The following RPAP3 variants were observed in gnomAD, a reference collection of about 807,000 sequenced individuals.
RPAP3 encodes RNA polymerase II associated protein 3.
RPAP3 carries 58 observed loss-of-function variants against 88.8 expected under a neutral mutation model. The ratio of observed to expected loss-of-function variants is 0.65; its 90% CI spans 0.53 to 0.81. The LOEUF (loss-of-function observed/expected upper bound fraction) is 0.81, where lower values mean the gene tolerates loss of function less well. Ranked by LOEUF, RPAP3 falls within the 40% of genes least tolerant of loss-of-function variation. RPAP3 has a pLI of 0.00. For synonymous variants in RPAP3, 255 were observed against 259.9 expected, an observed-to-expected ratio of 0.98 and a Z score of 0.18; for missense variants, 751 against 764.3, an observed-to-expected ratio of 0.98 and a Z score of 0.20.
At position 47,701,553 on chromosome 12, in the gene RPAP3, C is replaced by A; in HGVS notation, c.205G>T (p.Ala69Ser). 6.3e-7 allele frequency: 1 copy of A among 1,597,294 alleles called. No individual in the cohort carries two copies. The highest frequency in any genetic ancestry group is 8.5e-7 in the Non-Finnish European group (1 of 1,173,370). Residue 69 changes from alanine (A) to serine (S), a missense_variant, in exon 3 of 17, where the codon GCT becomes TCT. Transcript: ENST00000005386. The part of the protein sequence containing the change: ...GNFRKKKKGK[A>S]KESSKKTREE... ...CTGGTTTTTTTGGAAGACTCTTTAG[C>A]TTTGCCTTTCTTCTTTTTCCTAAAA...
chr12:47,703,711 G>A (rs762949637), intron 1 of RPAP3, among the ~76,000 whole-genome samples: 24 of 152,130 alleles, frequency 1.6e-4, no homozygotes, highest in Non-Finnish European at 3.1e-4. Context: ...AATTATGAGG[G>A]AGAATGAAGG....
intron 9 of RPAP3, among the ~76,000 whole-genome samples, chr12:47,682,803 GATTT>G (rs972169933): frequency 6.6e-6 from 1 of 151,944 alleles, no homozygotes; most frequent in African/African-American, 2.4e-5. Context: ...AAACATCTCT[GATTT>G]ATTTAACTCA....
intron 8 of RPAP3, 70 bp from the exon 9 acceptor site, chr12:47,686,977 A>C (rs1306890648): frequency 3.1e-5 from 29 of 936,478 alleles, no homozygotes; most frequent in Non-Finnish European, 4.2e-5. Flanking sequence ...TTCAAATCTT[A>C]TGAAACACTG....
chr12:47,677,727 CT>C (rs1204229973), intron 12 of RPAP3, among the ~76,000 whole-genome samples: 28 of 152,156 alleles, frequency 1.8e-4, no homozygotes, highest in African/African-American at 6.8e-4. Flanking sequence ...CTACAAACCA[CT>C]GCTCAACGAA....
Position 47,663,431 on chromosome 12 carries a change from A to G in RPAP3, c.*74T>C, listed in dbSNP as rs1938799269. ...TCCTGCTATATAATTTCATTTTCTT[A>G]AAAAGCAAAACACTTTCAGTAGAAA... On this transcript the variant is annotated 3_prime_UTR_variant, in exon 17 of 17. Coordinates refer to ENST00000005386, the MANE Select transcript of RPAP3 (RefSeq NM_024604.3). 1.9e-5 allele frequency: 18 copies of G among 945,102 alleles called. No individual in the cohort carries two copies. The highest frequency in any genetic ancestry group is 3.0e-5 in the Non-Finnish European group (18 of 605,542). The allele number at this position is 945,102 out of a possible 1,614,324, so 58.5% of individuals were successfully genotyped here. A position where few individuals can be genotyped will look rare whatever the true frequency, so the allele number is the denominator to read the frequency against.
intron 7 of RPAP3, among the ~76,000 whole-genome samples, 167 bp downstream of exon 7, chr12:47,688,958 T>C (rs1939376480): frequency 2.0e-5 from 3 of 152,180 alleles, no homozygotes; most frequent in Non-Finnish European, 2.9e-5. Context: ...TTAAATACCA[T>C]TACACTCCCT....
At chr12:47,678,633 C>CA (rs1246223216) in intron 12 of RPAP3, among the ~76,000 whole-genome samples, 1 of 152,000 alleles carries the variant, frequency 6.6e-6, no homozygotes, top group African/African-American at 2.4e-5. Flanking sequence ...ATGCAGCCAA[C>CA]AGACACATGA....
At chr12:47,671,425 A>T (rs1279538466) in intron 12 of RPAP3, among the ~76,000 whole-genome samples, 1 of 152,218 alleles carries the variant, frequency 6.6e-6, no homozygotes, top group Non-Finnish European at 1.5e-5. Context: ...TAAATTGAAA[A>T]GTTGTAAATA....
chr12:47,700,024 C>T (rs1199796452), intron 3 of RPAP3: 1 of 140,154 alleles, frequency 7.1e-6, no homozygotes, highest in African/African-American at 2.8e-5. Flanking sequence ...GACAGAGTCT[C>T]CCTCTGTGGC....
intron 12 of RPAP3, among the ~76,000 whole-genome samples, chr12:47,673,008 A>G (rs1939031618): frequency 6.6e-6 from 1 of 152,202 alleles, no homozygotes; most frequent in Admixed American, 6.5e-5. Context: ...CAAAGATGTA[A>G]AAGTTTAAAC....
chr12:47,681,049 A>C (rs1294077235), intron 10 of RPAP3, among the ~76,000 whole-genome samples: 1 of 151,996 alleles, frequency 6.6e-6, no homozygotes, highest in African/African-American at 2.4e-5. Context: ...GAGTTTGCTG[A>C]TGTCACAAAC....
chr12:47,675,302 T>G (rs1272081017), intron 12 of RPAP3, among the ~76,000 whole-genome samples: 3 of 152,020 alleles, frequency 2.0e-5, no homozygotes, highest in Non-Finnish European at 4.4e-5. Context: ...CAGGCCAAAT[T>G]GTAAAGACCA....
At chr12:47,700,920 T>C (rs1050000925) in intron 3 of RPAP3, among the ~76,000 whole-genome samples, 1 of 152,190 alleles carries the variant, frequency 6.6e-6, no homozygotes, top group African/African-American at 2.4e-5. Flanking sequence ...TATCTTAGAA[T>C]TCTGACTGTT....
intron 1 of RPAP3, among the ~76,000 whole-genome samples, chr12:47,705,105 A>G (rs1400100829): frequency 1.3e-5 from 2 of 152,374 alleles, no homozygotes; most frequent in South Asian, 2.1e-4. Context: ...AAAAAGCAAC[A>G]AAGTAAAAGA....
At chr12:47,705,794 G>T (rs1332751164) in intron 1 of RPAP3, among the ~76,000 whole-genome samples, 158 bp downstream of exon 1, 1 of 152,190 alleles carries the variant, frequency 6.6e-6, no homozygotes, top group Non-Finnish European at 1.5e-5. Context: ...AGACGCCGCT[G>T]CCCTGGACAC....
intron 9 of RPAP3, 79 bp from the exon 10 acceptor site, chr12:47,681,896 A>G: frequency 7.4e-7 from 1 of 1,352,512 alleles, no homozygotes; most frequent in Non-Finnish European, 9.9e-7. Flanking sequence ...TTTCTAATTT[A>G]AAAAGCTTGT....
At chr12:47,686,545 TAC>T (rs59485150) in intron 9 of RPAP3, among the ~76,000 whole-genome samples, 18,248 of 145,366 alleles carry the variant, frequency 0.13, 1,523 homozygotes, top group Admixed American at 0.29. Flanking sequence ...CACATACACA[TAC>T]ACACACACAC....
At chr12:47,705,255 T>C (rs1939764198) in intron 1 of RPAP3, among the ~76,000 whole-genome samples, 5 of 152,136 alleles carry the variant, frequency 3.3e-5, no homozygotes, top group Middle Eastern at 6.8e-3. Flanking sequence ...CAGTGAAAAA[T>C]ACCTCACTAA....
intron 5 of RPAP3, among the ~76,000 whole-genome samples, 157 bp from the exon 6 acceptor site, chr12:47,690,796 C>T (rs980450082): frequency 2.0e-5 from 3 of 152,174 alleles, no homozygotes; most frequent in Admixed American, 1.3e-4. Context: ...ATAATAAAAG[C>T]AATACTGCCA....
Sources: allele counts gnomAD v4.1 joint callset (sites outside exome capture counted in the v4.1 genomes callset), GRCh38; gene constraint gnomAD v4.1.1; transcripts MANE v1.5; gene names NCBI Gene and HGNC (gene_info 2026-07-23, HGNC 2026-07-21).